ETNK1: variants seen among roughly 807,000 people sequenced by gnomAD.
The protein encoded by ETNK1 is ethanolamine kinase 1, also known as putative protein product of Nbla10396.
A neutral mutation model predicts 45.1 loss-of-function variants in ETNK1; 8 were observed. The ratio of observed to expected loss-of-function variants is 0.18; its 90% CI spans 0.10 to 0.32. ETNK1 has a LOEUF of 0.32. ETNK1 is among the 10% of genes least tolerant of loss of function. The pLI is 1.00. For synonymous variants in ETNK1, 152 were observed against 151.9 expected (o/e 1.00, Z -0.01); for missense variants, 302 against 430.6 (o/e 0.70, Z 2.64).
chr12:22,651,099 T>G (rs1273945658), intron 2 of ETNK1, among the ~76,000 whole-genome samples: 1 of 152,116 alleles, frequency 6.6e-6, no homozygotes, highest in African/African-American at 2.4e-5. Context: ...AGAAAATGGG[T>G]TGCCAGTTCT....
In ETNK1 at chr12:22,625,241, T is replaced by A; in HGVS notation, c.-190T>A. 1 of 1,612,084 alleles carries A rather than the reference T, an allele frequency of 6.2e-7. No individual in the cohort carries two copies. The highest frequency in any genetic ancestry group is 2.2e-5 in the East Asian group (1 of 44,850). ...AGCGGGCCGGGCTCAGTTCAGCTGC[T>A]GTCCAGACCCGGATCGGCAACAGTG... On this transcript the variant is annotated 5_prime_UTR_variant, in exon 1 of 8. Coordinates refer to ENST00000266517, the MANE Select transcript of ETNK1 (RefSeq NM_018638.5).
At chr12:22,648,602 A>G (rs953387642) in intron 2 of ETNK1, among the ~76,000 whole-genome samples, 2 of 151,942 alleles carry the variant, frequency 1.3e-5, no homozygotes, top group Non-Finnish European at 2.9e-5. Context: ...CACCAAATCT[A>G]TTTTGTTCAT....
intron 3 of ETNK1, among the ~76,000 whole-genome samples, chr12:22,660,045 A>C (rs1044139797): frequency 2.6e-5 from 4 of 151,762 alleles, no homozygotes; most frequent in South Asian, 2.1e-4. Flanking sequence ...AAAAAAAAAA[A>C]AAAAAAAAAA....
At chr12:22,658,570 AG>A (rs1463952395) in intron 2 of ETNK1, among the ~76,000 whole-genome samples, 1 of 152,202 alleles carries the variant, frequency 6.6e-6, no homozygotes, top group East Asian at 1.9e-4. Context: ...ATTGAGATAT[AG>A]GTATAGGGGC....
chr12:22,657,299 G>T (rs1315329782), intron 2 of ETNK1, among the ~76,000 whole-genome samples: 1 of 152,066 alleles, frequency 6.6e-6, no homozygotes, highest in African/African-American at 2.4e-5. Flanking sequence ...TATATAAAAA[G>T]GTTATGGATT....
chr12:22,657,136 CTA>C (rs1953952516), intron 2 of ETNK1, among the ~76,000 whole-genome samples: 2 of 152,148 alleles, frequency 1.3e-5, no homozygotes, highest in African/African-American at 4.8e-5. Flanking sequence ...AGCTTTCTGC[CTA>C]TATATGAGAC....
At chr12:22,679,205 A>G (rs1322955956) in intron 6 of ETNK1, among the ~76,000 whole-genome samples, 4 of 152,190 alleles carry the variant, frequency 2.6e-5, no homozygotes, top group Admixed American at 6.5e-5. Flanking sequence ...AAACCAGAAG[A>G]GCCGACAGTG....
intron 6 of ETNK1, among the ~76,000 whole-genome samples, chr12:22,683,501 A>G (rs770914047): frequency 2.0e-5 from 3 of 152,134 alleles, no homozygotes; most frequent in Non-Finnish European, 4.4e-5. Flanking sequence ...CTTTAAAACA[A>G]TCCTGTGTAG....
intron 4 of ETNK1, among the ~76,000 whole-genome samples, chr12:22,667,587 T>C (rs2137564788): frequency 6.6e-6 from 1 of 152,322 alleles, no homozygotes; most frequent in East Asian, 1.9e-4. Flanking sequence ...GAATACTCCC[T>C]GTCTTTTTCT....
chr12:22,654,317 C>T (rs1211381372), intron 2 of ETNK1, among the ~76,000 whole-genome samples: 1 of 152,074 alleles, frequency 6.6e-6, no homozygotes, highest in Non-Finnish European at 1.5e-5. Flanking sequence ...ATTCTGAGAC[C>T]TGTAGATACT....
rs750911033 is a variant in ETNK1 at position 22,671,259 on chromosome 12, G to T, written c.701-13G>T. On this transcript the variant is annotated splice_polypyrimidine_tract_variant and intron_variant, in intron 4 of 7. Coordinates refer to ENST00000266517, the MANE Select transcript of ETNK1 (RefSeq NM_018638.5). ...GTGATTTCTTAATGTCTTTGTTTTT[G>T]TGTCTCACATAGGTGATGTACAGTT... The T allele has an allele frequency of 6.4e-7, 1 of 1,552,244 alleles. No individual in the cohort carries two copies. The highest frequency in any genetic ancestry group is 1.1e-5 in the South Asian group (1 of 89,214).
rs747881849 is a variant in ETNK1 at position 22,625,568 on chromosome 12, C to G, written c.138C>G (p.Pro46=). The G allele has an allele frequency of 1.6e-5, 26 of 1,595,120 alleles. No homozygotes were observed. In the East Asian group the frequency reaches 3.4e-4, roughly 21 times the overall value. Residue 46 remains proline, a synonymous_variant, in exon 1 of 8, where the codon CCC becomes CCG. Transcript: ENST00000266517. The part of the protein sequence containing the change: ...LLQHLRPHWD[P]QEVTLQLFTD... The stretch of plus-strand genomic sequence containing the variant: ...AACACCTGCGGCCTCACTGGGACCC[C>G]CAGGAGGTGACCCTGCAGGTAACGC...
At chr12:22,635,166 C>G (rs1750577297) in intron 1 of ETNK1, among the ~76,000 whole-genome samples, 1 of 152,232 alleles carries the variant, frequency 6.6e-6, no homozygotes. Flanking sequence ...ACAGCCTGTG[C>G]TGGACCTGTC....
At chr12:22,644,383 T>A (rs1412161037) in intron 2 of ETNK1, 8 of 1,350,852 alleles carry the variant, frequency 5.9e-6, no homozygotes, top group Non-Finnish European at 7.7e-6. Context: ...TCAGAGTTCT[T>A]GCCTATTAAA....
At chr12:22,644,207 G>A (rs1370102594) in intron 2 of ETNK1, 185 bp downstream of exon 2, 28 of 1,586,948 alleles carry the variant, frequency 1.8e-5, no homozygotes, top group Non-Finnish European at 2.2e-5. Flanking sequence ...CTTTATATTT[G>A]CAGTTTATCA....
intron 2 of ETNK1, among the ~76,000 whole-genome samples, chr12:22,647,134 T>G (rs1242748493): frequency 6.6e-6 from 1 of 151,864 alleles, no homozygotes; most frequent in Non-Finnish European, 1.5e-5. Context: ...AGCAATCAGT[T>G]ATTACGGACA....
chr12:22,626,614 G>C (rs1027463909), intron 1 of ETNK1, among the ~76,000 whole-genome samples: 4 of 152,124 alleles, frequency 2.6e-5, no homozygotes, highest in African/African-American at 9.7e-5. Context: ...ACACAAAGAT[G>C]AATAAAACAT....
At chr12:22,650,096 A>G (rs1037852357) in intron 2 of ETNK1, among the ~76,000 whole-genome samples, 1 of 151,996 alleles carries the variant, frequency 6.6e-6, no homozygotes, top group Non-Finnish European at 1.5e-5. Context: ...CAATTTTCAC[A>G]TATTCATTAC....
intron 1 of ETNK1, among the ~76,000 whole-genome samples, chr12:22,629,725 C>T (rs770983704): frequency 3.3e-5 from 5 of 151,896 alleles, no homozygotes; most frequent in East Asian, 3.9e-4. Flanking sequence ...TAGTAAGTTA[C>T]GGCTAATTTT....
Sources: gnomAD v4.1 joint callset for allele counts (sites outside exome capture counted in the v4.1 genomes callset) on GRCh38, gnomAD v4.1.1 for gene constraint, MANE v1.5 for transcripts, NCBI Gene and HGNC (gene_info 2026-07-23, HGNC 2026-07-21) for gene names.